The following NPAS3 variants were observed in gnomAD, a reference collection of about 807,000 sequenced individuals.
NPAS3 encodes neuronal PAS domain protein 3.
Under a neutral mutation model 73.1 loss-of-function variants are expected in NPAS3, and 14 were observed. The ratio of observed to expected loss-of-function variants is 0.19; its 90% CI spans 0.13 to 0.30. NPAS3 has a LOEUF of 0.30. Among genes scored for constraint, NPAS3 ranks in the 10% least tolerant of loss-of-function variants. The pLI, the probability that NPAS3 is intolerant of heterozygous loss-of-function variation, is 1.00. For synonymous variants in NPAS3, 620 were observed against 541.5 expected, an observed-to-expected ratio of 1.14 and a Z score of -2.01; for missense variants, 1,096 against 1,250.0, an observed-to-expected ratio of 0.88 and a Z score of 1.86.
At chr14:33,353,110 C>A (rs2045154660) in intron 3 of NPAS3, among the ~76,000 whole-genome samples, 1 of 150,554 alleles carries the variant, frequency 6.6e-6, no homozygotes, top group African/African-American at 2.4e-5. Flanking sequence ...TCTCACTTGC[C>A]AGATAGAAAG....
At chr14:33,191,786 T>C (rs368053585) in intron 2 of NPAS3, among the ~76,000 whole-genome samples, 159 of 152,374 alleles carry the variant, frequency 1.0e-3, no homozygotes, top group Non-Finnish European at 2.0e-3. Context: ...GAGATACTTA[T>C]GAGAGTGGCA....
chr14:33,404,380 G>A (rs1053287026), intron 4 of NPAS3, among the ~76,000 whole-genome samples: 2 of 152,112 alleles, frequency 1.3e-5, no homozygotes, highest in Admixed American at 6.6e-5. Context: ...ATAAGGCACT[G>A]AATAAACTAA....
At chr14:33,278,276 T>C (rs1028783119) in intron 3 of NPAS3, among the ~76,000 whole-genome samples, 1 of 152,112 alleles carries the variant, frequency 6.6e-6, no homozygotes, top group Admixed American at 6.6e-5. Context: ...GATTGGAGGT[T>C]GGGGCTGTGG....
intron 2 of NPAS3, among the ~76,000 whole-genome samples, chr14:33,122,742 C>G (rs919275403): frequency 6.6e-6 from 1 of 152,006 alleles, no homozygotes; most frequent in Non-Finnish European, 1.5e-5. Context: ...TCTCAAATAT[C>G]CTACACCTTA....
chr14:33,176,843 A>G (rs2045605594), intron 2 of NPAS3, among the ~76,000 whole-genome samples: 1 of 152,060 alleles, frequency 6.6e-6, no homozygotes, highest in African/African-American at 2.4e-5. Context: ...CCAGCAATGT[A>G]TGGGGGTTTC....
intron 6 of NPAS3, among the ~76,000 whole-genome samples, chr14:33,678,959 A>T (rs2059851736): frequency 6.6e-6 from 1 of 152,200 alleles, no homozygotes; most frequent in Non-Finnish European, 1.5e-5. Context: ...TCTAGACTGT[A>T]GGAGAATATA....
At position 33,314,514 on chromosome 14, in the gene NPAS3, A is replaced by C. The variant is rs139185096; in HGVS notation, c.386-52672A>C. Among the ~76,000 whole-genome samples, 48 of 152,194 alleles carry C rather than the reference A, an allele frequency of 3.2e-4. No homozygotes were observed. In the South Asian group the frequency reaches 3.5e-3, roughly 11 times the overall value. ...GACCTGACACATGGTGAGGATCAAT[A>C]CACGGTGGTGGTGGTGGTGATTATT... On this transcript the variant is annotated intron_variant, in intron 3 of 11. Coordinates refer to ENST00000356141, the Ensembl canonical transcript of NPAS3.
intron 4 of NPAS3, among the ~76,000 whole-genome samples, chr14:33,474,667 A>G (rs372141882): frequency 6.6e-6 from 1 of 152,144 alleles, no homozygotes; most frequent in Non-Finnish European, 1.5e-5. Flanking sequence ...ACAGGGAAGG[A>G]GGGATAAAGA....
chr14:33,565,567 C>T (rs2055884557), intron 5 of NPAS3, among the ~76,000 whole-genome samples: 1 of 151,870 alleles, frequency 6.6e-6, no homozygotes, highest in Non-Finnish European at 1.5e-5. Context: ...TAGTATGTGG[C>T]TAATACTCTT....
chr14:33,678,303 C>A (rs1456351469), intron 6 of NPAS3, among the ~76,000 whole-genome samples: 2 of 152,166 alleles, frequency 1.3e-5, no homozygotes, highest in African/African-American at 4.8e-5. Context: ...TGCTTCGCTG[C>A]AACTTCCCAC....
chr14:33,649,864 G>C (rs2058941130), intron 5 of NPAS3, among the ~76,000 whole-genome samples: 1 of 152,218 alleles, frequency 6.6e-6, no homozygotes, highest in African/African-American at 2.4e-5. Context: ...TGCAGAGAGA[G>C]AAACCAAGTT....
chr14:33,124,329 C>T (rs1013616622), intron 2 of NPAS3, among the ~76,000 whole-genome samples: 9 of 151,988 alleles, frequency 5.9e-5, no homozygotes, highest in African/African-American at 1.5e-4. Context: ...GTAGAGGCAG[C>T]GTAGCATAAC....
chr14:32,994,630 G>GTTTTTTT lies in NPAS3; in HGVS notation c.50+55269_50+55270insTTTTTTT, dbSNP rs777136450. Among the ~76,000 whole-genome samples, 147 of 123,530 alleles carry GTTTTTTT rather than the reference G, an allele frequency of 1.2e-3. 4 individuals carry two copies. Among genetic ancestry groups the GTTTTTTT allele is most frequent in the Middle Eastern group, 8.3e-3 (2 of 242 alleles). 81.0% of individuals were successfully genotyped at this position (123,530 alleles called of 152,430 possible). ...ATTCTAGTTTTTTGTTTGTTTGTTTGTTTTTGTTTTTTTTTTTTTGAGACA... is the reference window on the plus strand; with the variant it reads ...ATTCTAGTTTTTTGTTTGTTTGTTTGTTTTTTTTTTTTGTTTTTTTTTTTTTGAGACA... On this transcript the variant is annotated intron_variant, in intron 1 of 11. Transcript: ENST00000356141.
At chr14:33,589,346 A>T (rs1198756672) in intron 5 of NPAS3, among the ~76,000 whole-genome samples, 2 of 152,352 alleles carry the variant, frequency 1.3e-5, no homozygotes, top group African/African-American at 4.8e-5. Flanking sequence ...AGGAAGAACA[A>T]TCAATATAAG....
intron 6 of NPAS3, 21 bp downstream of exon 6, chr14:33,676,406 G>T: frequency 6.5e-7 from 1 of 1,535,214 alleles, no homozygotes; most frequent in Non-Finnish European, 8.7e-7. Context: ...CAAACCCAGT[G>T]TGTGGGTTGG....
chr14:32,963,101 G>A (rs963812399), intron 1 of NPAS3, among the ~76,000 whole-genome samples: 17 of 152,214 alleles, frequency 1.1e-4, no homozygotes, highest in East Asian at 7.7e-4. Flanking sequence ...GATTGCTGAC[G>A]ATTCTGAAGA....
At chr14:33,052,295 A>C (rs375949943) in intron 1 of NPAS3, among the ~76,000 whole-genome samples, 1 of 152,070 alleles carries the variant, frequency 6.6e-6, no homozygotes, top group African/African-American at 2.4e-5. Flanking sequence ...TTAGGCTGTC[A>C]GTTGTTCTCT....
intron 5 of NPAS3, among the ~76,000 whole-genome samples, chr14:33,595,330 T>G (rs2057202322): frequency 1.3e-5 from 2 of 152,198 alleles, no homozygotes; most frequent in African/African-American, 2.4e-5. Context: ...CTGCCTCTTT[T>G]TTTTTTAACT....
At chr14:33,400,501 G>C (rs1342640165) in intron 4 of NPAS3, among the ~76,000 whole-genome samples, 1 of 152,116 alleles carries the variant, frequency 6.6e-6, no homozygotes, top group Non-Finnish European at 1.5e-5. Context: ...GGCGAAGACT[G>C]GTGGTTGGTC....
Sources: allele counts gnomAD v4.1 joint callset (sites outside exome capture counted in the v4.1 genomes callset), GRCh38; gene constraint gnomAD v4.1.1; transcripts MANE v1.5; gene names NCBI Gene and HGNC (gene_info 2026-07-23, HGNC 2026-07-21).